Variants in WWC2 observed in about 807,000 individuals in gnomAD.
The protein encoded by WWC2 is WW and C2 domain containing 2, also known as protein WWC2.
WWC2 carries 101 observed loss-of-function variants against 138.5 expected under a neutral mutation model. The observed-to-expected ratio is 0.73, with a 90% CI of 0.62 to 0.86. WWC2 has a LOEUF of 0.86. WWC2 is among the 40% of genes least tolerant of loss of function. The pLI, the probability that WWC2 is intolerant of heterozygous loss-of-function variation, is 0.00. For missense variants in WWC2, 1,420 were observed against 1,419.4 expected, an observed-to-expected ratio of 1.00 and a Z score of -0.01; for synonymous variants, 558 against 538.4, an observed-to-expected ratio of 1.04 and a Z score of -0.50.
At chr4:183,236,785 T>C (rs1414125494) in intron 4 of WWC2, among the ~76,000 whole-genome samples, 1 of 152,202 alleles carries the variant, frequency 6.6e-6, no homozygotes, top group Non-Finnish European at 1.5e-5. Context: ...GGATTGTTTT[T>C]TCTGTATCTG....
chr4:183,178,377 CAAATAAATAAAT>C lies in WWC2; in HGVS notation c.132-15189_132-15178del, dbSNP rs10690640. ...GCTACACAGTGAGACCCTGTTTCTACAAATAAATAAATAAATAAATAAATAAATAAATAAATA... is the reference window on the plus strand; with the variant it reads ...GCTACACAGTGAGACCCTGTTTCTACAAATAAATAAATAAATAAATAAATA... On this transcript the variant is annotated intron_variant, in intron 1 of 22. Coordinates refer to ENST00000403733, the MANE Select transcript of WWC2 (RefSeq NM_024949.6). Among the ~76,000 whole-genome samples, 805 of 134,598 alleles carry C rather than the reference CAAATAAATAAAT, an allele frequency of 6.0e-3. 14 individuals carry two copies. The highest frequency in any genetic ancestry group is 0.02 in the African/African-American group (700 of 35,684). The allele number at this position is 134,598 out of a possible 152,430, so 88.3% of individuals were successfully genotyped here. A position where few individuals can be genotyped will look rare whatever the true frequency, so the allele number is the denominator to read the frequency against.
intron 16 of WWC2, among the ~76,000 whole-genome samples, chr4:183,279,037 G>A (rs547122124): frequency 0.085 from 12,986 of 151,974 alleles, 723 homozygotes; most frequent in South Asian, 0.17. Flanking sequence ...TGGTGAGAGA[G>A]GGCATCCCTG....
chr4:183,122,055 G>T (rs1561424239), intron 1 of WWC2, among the ~76,000 whole-genome samples: 1 of 152,160 alleles, frequency 6.6e-6, no homozygotes, highest in African/African-American at 2.4e-5. Flanking sequence ...AAAGTGCAGG[G>T]ATTACAGGCG....
intron 20 of WWC2, 26 bp downstream of exon 20, chr4:183,286,085 A>G (rs892776941): frequency 2.4e-5 from 37 of 1,548,382 alleles, no homozygotes; most frequent in Non-Finnish European, 3.0e-5. Context: ...GCCACGTCCC[A>G]CTGTCCCTGG....
chr4:183,135,947 T>C (rs1036470657), intron 1 of WWC2, among the ~76,000 whole-genome samples: 1 of 151,884 alleles, frequency 6.6e-6, no homozygotes, highest in African/African-American at 2.4e-5. Flanking sequence ...TTTAAATGAG[T>C]TTTCTATTCT....
Position 183,247,784 on chromosome 4 carries a change from T to C in WWC2, c.733-930T>C, listed in dbSNP as rs1736847456. 3.6e-5 allele frequency among the ~76,000 whole-genome samples: 5 copies of C among 137,272 alleles called. No homozygotes were observed. In the South Asian group the frequency reaches 1.1e-3, roughly 31 times the overall value. 90.1% of individuals were successfully genotyped at this position (137,272 alleles called of 152,430 possible). On this transcript the variant is annotated intron_variant, in intron 6 of 22. Transcript: ENST00000403733. Reference sequence around the variant, plus strand: ...ATATATAATATATATACTATATATATATTATATATATAGTATATAGTATAT... The same window carrying C: ...ATATATAATATATATACTATATATACATTATATATATAGTATATAGTATAT...
At chr4:183,239,947 T>G (rs1736563762) in intron 4 of WWC2, among the ~76,000 whole-genome samples, 1 of 152,206 alleles carries the variant, frequency 6.6e-6, no homozygotes, top group Non-Finnish European at 1.5e-5. Flanking sequence ...ATAAGAATGT[T>G]GCTAAGTAAG....
chr4:183,290,901 T>A (rs953251547), intron 21 of WWC2, among the ~76,000 whole-genome samples: 3 of 152,210 alleles, frequency 2.0e-5, no homozygotes, highest in African/African-American at 7.2e-5. Context: ...TCCAGCTGAC[T>A]GGAACTACTG....
chr4:183,320,250 C>G lies in WWC2; in HGVS notation c.*4521C>G. ...GTCCTGAGAGCTTTAGCCAAACTAACTCCTGCCCTTCGGTTGCTGTGAAAA... is the reference window on the plus strand; with the variant it reads ...GTCCTGAGAGCTTTAGCCAAACTAAGTCCTGCCCTTCGGTTGCTGTGAAAA... On this transcript the variant is annotated 3_prime_UTR_variant, in exon 23 of 23. Transcript: ENST00000403733. The G allele has an allele frequency of 6.3e-7, 1 of 1,574,906 alleles. No homozygotes were observed. The highest frequency in any genetic ancestry group is 8.6e-7 in the Non-Finnish European group (1 of 1,159,820).
In WWC2 at chr4:183,271,381, A is replaced by T. The variant is rs1376782318; in HGVS notation, c.2562+140A>T. 1.9e-4 allele frequency: 129 copies of T among 666,452 alleles called. 1 individual carries two copies. The East Asian group carries it at 4.5e-3, about 23-fold the overall frequency. 41.3% of individuals were successfully genotyped at this position (666,452 alleles called of 1,614,324 possible). ...TCACTGTCCTTCCTTTTCTCCTTTC[A>T]CAACTTTGATTTTCCCAGCTTCCTA... On this transcript the variant is annotated intron_variant, in intron 16 of 22. Transcript: ENST00000403733.
intron 1 of WWC2, among the ~76,000 whole-genome samples, chr4:183,155,165 A>G (rs543099137): frequency 5.3e-5 from 8 of 150,592 alleles, no homozygotes; most frequent in Admixed American, 3.3e-4. Context: ...ATTTGCAGCA[A>G]GTTCTAATGA....
intron 4 of WWC2, among the ~76,000 whole-genome samples, chr4:183,213,524 T>C (rs529853192): frequency 6.6e-6 from 1 of 152,318 alleles, no homozygotes; most frequent in Non-Finnish European, 1.5e-5. Flanking sequence ...ACCTCAGTTG[T>C]TTTACTGAAT....
chr4:183,160,329 A>C (rs55649681), intron 1 of WWC2, among the ~76,000 whole-genome samples: 21,929 of 152,222 alleles, frequency 0.14, 1,786 homozygotes, highest in East Asian at 0.26. Context: ...GAATTAGCCA[A>C]CAAAGATAAA....
intron 1 of WWC2, among the ~76,000 whole-genome samples, chr4:183,134,840 T>G (rs538987539): frequency 1.3e-5 from 2 of 152,300 alleles, no homozygotes; most frequent in East Asian, 3.9e-4. Flanking sequence ...TACACTAACT[T>G]TTAGTTAGTA....
At chr4:183,157,934 G>A (rs986376707) in intron 1 of WWC2, among the ~76,000 whole-genome samples, 3 of 151,878 alleles carry the variant, frequency 2.0e-5, no homozygotes, top group African/African-American at 4.8e-5. Context: ...GCCTTTCCAA[G>A]GGACTGCCTC....
At chr4:183,159,716 T>C (rs1258139374) in intron 1 of WWC2, among the ~76,000 whole-genome samples, 1 of 1,856 alleles carries the variant, frequency 5.4e-4, no homozygotes, top group Admixed American at 8.3e-3. Context: ...AACTTACCTT[T>C]TTTTTTTTTT....
chr4:183,288,526 C>T (rs892107865), intron 20 of WWC2, among the ~76,000 whole-genome samples: 44 of 152,178 alleles, frequency 2.9e-4, no homozygotes, highest in African/African-American at 9.9e-4. Flanking sequence ...CTGAGTGATC[C>T]ATCCCCTTCC....
intron 1 of WWC2, among the ~76,000 whole-genome samples, chr4:183,188,754 C>T (rs1483905360): frequency 6.6e-6 from 1 of 151,740 alleles, no homozygotes; most frequent in African/African-American, 2.4e-5. Flanking sequence ...AAGCGATTCT[C>T]CTGCCTAAGC....
rs757489820 is a variant in WWC2 at position 183,265,894 on chromosome 4, T to C, written c.2150T>C (p.Val717Ala). ...RYNAKSSSFM[V>A]IIAQLRNLHA... ...AATGCAAAAAGTTCAAGTTTCATGGTGATTATAGCACAGCTCCGAAACCTT... is the reference window on the plus strand; with the variant it reads ...AATGCAAAAAGTTCAAGTTTCATGGCGATTATAGCACAGCTCCGAAACCTT... Residue 717 changes from valine (V) to alanine (A), a missense_variant, in exon 14 of 23, where the codon GTG (valine) becomes GCG (alanine). Transcript: ENST00000403733. 7 of 1,613,430 alleles carry C rather than the reference T, an allele frequency of 4.3e-6. No homozygotes were observed. The highest frequency in any genetic ancestry group is 5.9e-6 in the Non-Finnish European group (7 of 1,179,700).
Sources: gnomAD v4.1 joint callset for allele counts (sites outside exome capture counted in the v4.1 genomes callset) on GRCh38, gnomAD v4.1.1 for gene constraint, MANE v1.5 for transcripts, NCBI Gene and HGNC (gene_info 2026-07-23, HGNC 2026-07-21) for gene names.